The following ABCA4 variants were observed in gnomAD, a reference collection of about 807,000 sequenced individuals.
ABCA4 encodes retinal-specific phospholipid-transporting ATPase ABCA4.
Under a neutral mutation model 263.7 loss-of-function variants are expected in ABCA4, and 196 were observed. The ratio of observed to expected loss-of-function variants is 0.74; its 90% CI spans 0.66 to 0.84. The LOEUF is 0.84. Ranked by LOEUF, ABCA4 falls within the 40% of genes least tolerant of loss-of-function variation. The pLI, the probability that ABCA4 is intolerant of heterozygous loss-of-function variation, is 0.00. For missense variants in ABCA4, 2,792 were observed against 2,855.1 expected (o/e 0.98, Z 0.50); for synonymous variants, 1,133 against 1,094.2 (o/e 1.04, Z -0.70).
At chr1:94,002,671 G>T (rs572097837) in intron 44 of ABCA4, among the ~76,000 whole-genome samples, 23 of 152,164 alleles carry the variant, frequency 1.5e-4, no homozygotes, top group Non-Finnish European at 2.4e-4. Context: ...TGCCTGGAAT[G>T]TTCCTCCCTA....
intron 45 of ABCA4, chr1:94,001,381 G>T: frequency 1.8e-6 from 1 of 560,570 alleles, no homozygotes; most frequent in East Asian, 3.1e-5. Flanking sequence ...CTCAAAAAAA[G>T]AAAATCCTGC....
intron 26 of ABCA4, among the ~76,000 whole-genome samples, chr1:94,036,038 AC>A (rs1660329649): frequency 6.6e-6 from 1 of 151,860 alleles, no homozygotes; most frequent in African/African-American, 2.4e-5. Context: ...CAGGAGACTG[AC>A]GTCTGAGTTG....
At chr1:94,113,379 G>A (rs1006070777) in intron 1 of ABCA4, among the ~76,000 whole-genome samples, 3 of 152,230 alleles carry the variant, frequency 2.0e-5, no homozygotes, top group Non-Finnish European at 2.9e-5. Flanking sequence ...CTGTCACTAT[G>A]CACATGAATG....
intron 11 of ABCA4, among the ~76,000 whole-genome samples, chr1:94,067,690 A>C (rs961319370): frequency 2.0e-5 from 3 of 152,242 alleles, no homozygotes; most frequent in African/African-American, 4.8e-5. Context: ...GGATCACATT[A>C]GACGCTGTTT....
In ABCA4 at chr1:94,079,304, G is replaced by A; in HGVS notation, c.1239+18C>T. ...GGGAGGTCCAGGGTACACAAGGCAAGCCCAGCTGGGATCTTACATTCTTCA... is the reference window on the plus strand; with the variant it reads ...GGGAGGTCCAGGGTACACAAGGCAAACCCAGCTGGGATCTTACATTCTTCA... On this transcript the variant is annotated intron_variant, in intron 9 of 49. Transcript: ENST00000370225. 2 of 1,614,000 alleles carry A rather than the reference G, an allele frequency of 1.2e-6. No homozygotes were observed. Among genetic ancestry groups the A allele is most frequent in the African/African-American group, 2.7e-5 (2 of 74,998 alleles).
chr1:94,037,018 T>TA (rs1186653090), intron 25 of ABCA4, 127 bp downstream of exon 25: 7 of 1,057,238 alleles, frequency 6.6e-6, no homozygotes, highest in Non-Finnish European at 1.0e-5. Context: ...AAAATAAAGA[T>TA]AGTTGCTATG....
At position 94,056,932 on chromosome 1, in the gene ABCA4, ACGCACACTC is replaced by A. The variant is rs560917752; in HGVS notation, c.2161-119_2161-111del. On this transcript the variant is annotated intron_variant, in intron 14 of 49. Coordinates refer to ENST00000370225, the MANE Select transcript of ABCA4 (RefSeq NM_000350.3). ...GCCTGCAGTTAGTGTCTAAATTTCT[ACGCACACTC>A]CATGTGCTGAGTTCCTTTAATCCTA... The A allele has an allele frequency of 5.3e-4, 478 of 896,932 alleles. 10 individuals are homozygous for A. The South Asian group carries it at 6.7e-3, about 12-fold the overall frequency. 55.6% of individuals were successfully genotyped at this position (896,932 alleles called of 1,614,324 possible).
At chr1:94,071,368 T>C (rs1661394917) in intron 11 of ABCA4, among the ~76,000 whole-genome samples, 1 of 152,258 alleles carries the variant, frequency 6.6e-6, no homozygotes, top group Non-Finnish European at 1.5e-5. Flanking sequence ...GTGCCTATTA[T>C]GCTGCATATT....
chr1:94,036,740 C>G lies in ABCA4; in HGVS notation c.3862G>C (p.Gly1288Arg), dbSNP rs749060207. ...CAAGCCACTGGCTCCAGCACCATAC[C>G]CGCAAACAGAGGTCCTGAATCAGAA... is the stretch of plus-strand genomic sequence containing the variant. ...EDSDSGPLFA[G>R]GAQQKRENVN... The change falls in exon 26 of 50, where the codon GGT becomes CGT. Residue 1288 changes from glycine (G) to arginine (R), a missense_variant and splice_region_variant. Coordinates refer to ENST00000370225, the MANE Select transcript of ABCA4 (RefSeq NM_000350.3). The G allele has an allele frequency of 1.2e-6, 2 of 1,614,060 alleles. No individual in the cohort carries two copies. Among genetic ancestry groups the G allele is most frequent in the South Asian group, 1.1e-5 (1 of 91,076 alleles).
intron 1 of ABCA4, among the ~76,000 whole-genome samples, chr1:94,114,417 A>G (rs1662690960): frequency 6.6e-6 from 1 of 152,134 alleles, no homozygotes; most frequent in Non-Finnish European, 1.5e-5. Context: ...ATATATAGGG[A>G]GGATGTGTTG....
At chr1:94,106,323 T>G (rs1662432673) in intron 4 of ABCA4, among the ~76,000 whole-genome samples, 1 of 152,154 alleles carries the variant, frequency 6.6e-6, no homozygotes, top group Non-Finnish European at 1.5e-5. Flanking sequence ...ACAGAGAAAC[T>G]GTGGTTTGAA....
chr1:94,097,572 G>A (rs1662156665), intron 6 of ABCA4, among the ~76,000 whole-genome samples: 1 of 152,192 alleles, frequency 6.6e-6, no homozygotes, highest in African/African-American at 2.4e-5. Flanking sequence ...CTTCTCTGAA[G>A]GATTCTAATT....
intron 36 of ABCA4, among the ~76,000 whole-genome samples, chr1:94,017,957 C>CT (rs766638190): frequency 1.3e-5 from 2 of 151,756 alleles, no homozygotes; most frequent in East Asian, 3.9e-4. Context: ...CTTCATTCAA[C>CT]TTTTTTTTTG....
At chr1:94,120,643 G>T (rs978456242) in intron 1 of ABCA4, among the ~76,000 whole-genome samples, 2 of 150,656 alleles carry the variant, frequency 1.3e-5, no homozygotes, top group Non-Finnish European at 1.5e-5. Flanking sequence ...CCACTGCTCA[G>T]CGTGGATGCC....
chr1:94,082,869 C>T (rs187096235), intron 7 of ABCA4, among the ~76,000 whole-genome samples: 179 of 152,226 alleles, frequency 1.2e-3, no homozygotes, highest in Non-Finnish European at 1.9e-3. Flanking sequence ...TTAAAATGTG[C>T]GCATCTTTTT....
rs889448722 is a variant in ABCA4 at position 94,021,660 on chromosome 1, C to T, written c.4828G>A (p.Glu1610Lys). 1.2e-6 allele frequency: 2 copies of T among 1,612,658 alleles called. No individual in the cohort carries two copies. The highest frequency in any genetic ancestry group is 2.7e-5 in the African/African-American group (2 of 74,896). Residue 1610 changes from glutamate (E) to lysine (K), a missense_variant, in exon 34 of 50, where the codon GAA becomes AAA. Transcript: ENST00000370225. Reference sequence around the variant, plus strand: ...AGTACCTTAATGTTGTCTTCAGTTTCTAGATGTTTAAGGAAATCAGGTATT... The same window carrying T: ...AGTACCTTAATGTTGTCTTCAGTTTTTAGATGTTTAAGGAAATCAGGTATT... ...KEIPDFLKHL[E>K]TEDNIKVWFN...
rs371139191 is a variant in ABCA4, at chr1:94,080,608, C to A, written c.969G>T (p.Leu323=). ...TKLMGILSDL[L]CGYPEGGGSR... The stretch of plus-strand genomic sequence containing the variant: ...AGCCACCTCCCTCGGGGTAGCCACA[C>A]AGGAGGTCAGACAGGATGCCCATCA... Residue 323 remains leucine (L), a synonymous_variant, in exon 8 of 50, where the codon CTG becomes CTT. Coordinates refer to ENST00000370225, the MANE Select transcript of ABCA4 (RefSeq NM_000350.3). 1.2e-6 allele frequency: 2 copies of A among 1,614,190 alleles called. No homozygotes were observed. Among genetic ancestry groups the A allele is most frequent in the Non-Finnish European group, 1.7e-6 (2 of 1,180,040 alleles).
chr1:94,053,456 A>G (rs2101065617), intron 16 of ABCA4, among the ~76,000 whole-genome samples: 1 of 152,382 alleles, frequency 6.6e-6, no homozygotes, highest in South Asian at 2.1e-4. Flanking sequence ...AAAAGATACC[A>G]GAGTGCTAAC....
At position 93,993,375 on chromosome 1, in the gene ABCA4, CAG is replaced by C. The variant is rs566725549; in HGVS notation, c.6817-135_6817-134del. 1.1e-4 allele frequency: 122 copies of C among 1,117,136 alleles called. No individual in the cohort carries two copies. The African/African-American group carries it at 1.6e-3, about 15-fold the overall frequency. 69.2% of individuals were successfully genotyped at this position (1,117,136 alleles called of 1,614,324 possible). A position where few individuals can be genotyped will look rare whatever the true frequency, so the allele number is the denominator to read the frequency against. On this transcript the variant is annotated intron_variant, in intron 49 of 49. Coordinates refer to ENST00000370225, the MANE Select transcript of ABCA4 (RefSeq NM_000350.3). ...TCAGCTGAGGGCACTGTGATTCTGT[CAG>C]ATCACCCAGGTTATGGGCCATCTTT...
Sources: gnomAD v4.1 joint callset for allele counts (sites outside exome capture counted in the v4.1 genomes callset) on GRCh38, gnomAD v4.1.1 for gene constraint, MANE v1.5 for transcripts, NCBI Gene and HGNC (gene_info 2026-07-23, HGNC 2026-07-21) for gene names.